CAMTA1: variants seen among roughly 807,000 people sequenced by gnomAD.
The protein encoded by CAMTA1 is calmodulin-binding transcription activator 1.
Under a neutral mutation model 170.9 loss-of-function variants are expected in CAMTA1, and 27 were observed. The ratio of observed to expected loss-of-function variants is 0.16; its 90% CI spans 0.12 to 0.22. The LOEUF is 0.22. Ranked by LOEUF, CAMTA1 falls within the 10% of genes least tolerant of loss-of-function variation. The pLI is 1.00. For missense variants in CAMTA1, 1,619 were observed against 2,217.2 expected (o/e 0.73, Z 5.42); for synonymous variants, 833 against 891.5 (o/e 0.93, Z 1.17).
chr1:7,406,818 G>A (rs543274509), intron 5 of CAMTA1, among the ~76,000 whole-genome samples: 1 of 151,994 alleles, frequency 6.6e-6, no homozygotes, highest in Admixed American at 6.5e-5. Flanking sequence ...CCCCCCTCCC[G>A]ACAATGGGTA....
chr1:6,791,605 T>A (rs1387938430), intron 1 of CAMTA1, among the ~76,000 whole-genome samples: 1 of 152,234 alleles, frequency 6.6e-6, no homozygotes, highest in Non-Finnish European at 1.5e-5. Flanking sequence ...GGGCCTCTCC[T>A]AATGTTCCTT....
intron 4 of CAMTA1, among the ~76,000 whole-genome samples, chr1:7,170,703 C>G (rs780674469): frequency 1.1e-4 from 16 of 152,128 alleles, no homozygotes; most frequent in Non-Finnish European, 1.8e-4. Flanking sequence ...TTTTCTTTAT[C>G]CAGTCTATCA....
chr1:7,231,098 T>G (rs1277074687), intron 4 of CAMTA1, among the ~76,000 whole-genome samples: 1 of 152,060 alleles, frequency 6.6e-6, no homozygotes, highest in Non-Finnish European at 1.5e-5. Context: ...GATCGTGGGA[T>G]GAGAGCCCCG....
intron 11 of CAMTA1, among the ~76,000 whole-genome samples, chr1:7,725,971 C>T (rs920895088): frequency 5.3e-5 from 8 of 152,212 alleles, no homozygotes; most frequent in African/African-American, 1.9e-4. Context: ...CACAGACTCA[C>T]AGCACACGGC....
At chr1:7,724,065 G>A (rs1322374223) in intron 11 of CAMTA1, among the ~76,000 whole-genome samples, 3 of 152,064 alleles carry the variant, frequency 2.0e-5, no homozygotes, top group Admixed American at 6.5e-5. Context: ...GTGATCCACC[G>A]GCCTCAGCCT....
intron 5 of CAMTA1, among the ~76,000 whole-genome samples, chr1:7,398,146 A>C (rs2089478092): frequency 9.3e-6 from 1 of 108,090 alleles, no homozygotes. Flanking sequence ...GTTAGATATA[A>C]TAATATTGCT....
Position 7,398,864 on chromosome 1 carries a change from G to A in CAMTA1, c.439-68966G>A, listed in dbSNP as rs1461926056. On this transcript the variant is annotated intron_variant, in intron 5 of 22. Transcript: ENST00000303635. ...TTACATTAACAATCTTAGAGTTATAGTATACTATTTTAAGTTGATAATAAC... is the reference window on the plus strand; with the variant it reads ...TTACATTAACAATCTTAGAGTTATAATATACTATTTTAAGTTGATAATAAC... Among the ~76,000 whole-genome samples, 4 of 151,904 alleles carry A rather than the reference G, an allele frequency of 2.6e-5. No homozygotes were observed. The East Asian group carries it at 7.7e-4, about 29-fold the overall frequency.
chr1:7,681,126 G>C lies in CAMTA1; in HGVS notation c.2914+3393G>C, dbSNP rs947843448. 1.5e-4 allele frequency among the ~76,000 whole-genome samples: 23 copies of C among 152,120 alleles called. No individual in the cohort carries two copies. Among genetic ancestry groups the C allele is most frequent in the Admixed American group, 1.4e-3 (21 of 15,290 alleles). On this transcript the variant is annotated intron_variant, in intron 11 of 22. Transcript: ENST00000303635. This position sits in a 1 kb window ranked among gnomAD's most constrained non-coding sequence, Gnocchi z 4.6. ...TCCCGGAGCTGCAGCGCCTCCCCCA[G>C]ACCTAGGGGTCTTCCCCTCCCTTCC...
At chr1:6,980,169 GCTGTGCTGAAGTCTCGC>G (rs1421306149) in intron 3 of CAMTA1, among the ~76,000 whole-genome samples, 1 of 152,326 alleles carries the variant, frequency 6.6e-6, no homozygotes, top group Non-Finnish European at 1.5e-5. Context: ...CTCACCTGCA[GCTGTGCTGAAGTCTCGC>G]CTGTTGGGGG....
intron 3 of CAMTA1, among the ~76,000 whole-genome samples, chr1:6,858,106 A>T (rs753150539): frequency 6.6e-6 from 1 of 152,242 alleles, no homozygotes; most frequent in African/African-American, 2.4e-5. Flanking sequence ...TGAAGAAAGA[A>T]AGATAGGCCA....
At chr1:7,600,605 T>C (rs185602945) in intron 6 of CAMTA1, among the ~76,000 whole-genome samples, 120 of 151,620 alleles carry the variant, frequency 7.9e-4, no homozygotes, top group South Asian at 4.6e-3. Context: ...AGGTCTCTGG[T>C]TTTCCTAGGC....
In CAMTA1 at chr1:7,010,257, G is replaced by A. The variant is rs1314140908; in HGVS notation, c.235-81047G>A. Among the ~76,000 whole-genome samples, 2 of 152,166 alleles carry A rather than the reference G, an allele frequency of 1.3e-5. No individual in the cohort carries two copies. Among genetic ancestry groups the A allele is most frequent in the Admixed American group, 6.5e-5 (1 of 15,286 alleles). On this transcript the variant is annotated intron_variant, in intron 3 of 22. Coordinates refer to ENST00000303635, the MANE Select transcript of CAMTA1 (RefSeq NM_015215.4). This position sits in a 1 kb window ranked among gnomAD's most constrained non-coding sequence, Gnocchi z 4.4. ...GCTCATGGTCAGGGAGTGTCAGAAC[G>A]AGGACCAGGACCCCAGGGCCGGCTC...
chr1:6,829,521 T>C (rs1297013154), intron 3 of CAMTA1, among the ~76,000 whole-genome samples: 1 of 152,262 alleles, frequency 6.6e-6, no homozygotes, highest in Non-Finnish European at 1.5e-5. Context: ...AAGGTGATGA[T>C]GGCTGCACTA....
At chr1:6,894,469 G>A (rs546701684) in intron 3 of CAMTA1, among the ~76,000 whole-genome samples, 2 of 152,314 alleles carry the variant, frequency 1.3e-5, no homozygotes, top group Middle Eastern at 3.4e-3. Context: ...TTGCTCAAAT[G>A]TATTTTTCCC....
intron 5 of CAMTA1, among the ~76,000 whole-genome samples, chr1:7,407,277 G>A (rs1028038627): frequency 6.6e-6 from 1 of 152,248 alleles, no homozygotes; most frequent in Non-Finnish European, 1.5e-5. Context: ...GGTAGTAACT[G>A]CAGGGGAAGA....
At chr1:6,986,715 A>G (rs1695417181) in intron 3 of CAMTA1, among the ~76,000 whole-genome samples, 1 of 152,016 alleles carries the variant, frequency 6.6e-6, no homozygotes, top group Non-Finnish European at 1.5e-5. Context: ...TGGGGCTCCA[A>G]GATGGTGGTT....
At chr1:7,729,506 G>T (rs1455212060) in intron 11 of CAMTA1, among the ~76,000 whole-genome samples, 1 of 152,232 alleles carries the variant, frequency 6.6e-6, no homozygotes, top group Admixed American at 6.5e-5. Context: ...AGTGAGGACT[G>T]AACTGCTGAC....
At chr1:6,913,124 T>C (rs550990434) in intron 3 of CAMTA1, among the ~76,000 whole-genome samples, 2 of 152,360 alleles carry the variant, frequency 1.3e-5, no homozygotes, top group African/African-American at 2.4e-5. Context: ...TTCCTCTTCA[T>C]GTTTGTAAAC....
chr1:6,966,449 T>C (rs1691564223), intron 3 of CAMTA1, among the ~76,000 whole-genome samples: 1 of 152,188 alleles, frequency 6.6e-6, no homozygotes, highest in African/African-American at 2.4e-5. Context: ...ATTTTTCCTT[T>C]TGTCTCTGGC....
Sources: allele counts gnomAD v4.1 joint callset (sites outside exome capture counted in the v4.1 genomes callset), GRCh38; gene constraint gnomAD v4.1.1; non-coding constraint Gnocchi (gnomAD v3.1); transcripts MANE v1.5; gene names NCBI Gene and HGNC (gene_info 2026-07-23, HGNC 2026-07-21).